Variants in QRFPR observed in about 807,000 individuals in gnomAD.
QRFPR encodes pyroglutamylated RF-amide peptide receptor.
Under a neutral mutation model 31.3 loss-of-function variants are expected in QRFPR, and 37 were observed. The ratio of observed to expected loss-of-function variants is 1.18; its 90% CI spans 0.91 to 1.56. The LOEUF is 1.56. Ranked by LOEUF, QRFPR falls within the 40% of genes most tolerant of loss-of-function variation. The pLI is 0.00. For missense variants in QRFPR, 542 were observed against 532.5 expected (o/e 1.02, Z -0.18); for synonymous variants, 197 against 192.0 (o/e 1.03, Z -0.22).
intron 1 of QRFPR, among the ~76,000 whole-genome samples, chr4:121,365,338 C>G (rs549510946): frequency 4.2e-5 from 6 of 141,866 alleles, no homozygotes; most frequent in Non-Finnish European, 7.6e-5. Context: ...CCTGTAGTCC[C>G]AGCTACTCGG....
chr4:121,351,209 C>G (rs922655177), intron 1 of QRFPR, among the ~76,000 whole-genome samples: 1 of 152,098 alleles, frequency 6.6e-6, no homozygotes, highest in African/African-American at 2.4e-5. Flanking sequence ...AGGAGCTGTC[C>G]CCTGGAAAAC....
chr4:121,363,668 A>C (rs1395014939), intron 1 of QRFPR, among the ~76,000 whole-genome samples: 2 of 150,218 alleles, frequency 1.3e-5, no homozygotes, highest in African/African-American at 4.9e-5. Context: ...AGTAAGAGTG[A>C]GGGGCCACAG....
rs117513951 is a variant in QRFPR at position 121,379,188 on chromosome 4, T to A, written c.340+1120A>T. On this transcript the variant is annotated intron_variant, in intron 1 of 5. Transcript: ENST00000394427. Reference sequence around the variant, plus strand: ...TAATGCTTTTTTGAAAATATTTACATTATAGATTGATAAGAATCAAGGACT... The same window carrying A: ...TAATGCTTTTTTGAAAATATTTACAATATAGATTGATAAGAATCAAGGACT... 1.2e-4 allele frequency among the ~76,000 whole-genome samples: 19 copies of A among 152,314 alleles called. No homozygotes were observed. In the East Asian group the frequency reaches 3.7e-3, roughly 29 times the overall value.
chr4:121,332,543 G>C (rs1725346285), intron 4 of QRFPR, among the ~76,000 whole-genome samples: 1 of 152,140 alleles, frequency 6.6e-6, no homozygotes, highest in Non-Finnish European at 1.5e-5. Flanking sequence ...TCTGACACCA[G>C]CCCACAGTCT....
rs1726102953 is a variant in QRFPR at position 121,365,584 on chromosome 4, TATATATTATATATATATAATA to T, written c.340+14703_340+14723del. Among the ~76,000 whole-genome samples, 17 of 3,062 alleles carry T rather than the reference TATATATTATATATATATAATA, an allele frequency of 5.6e-3. 3 individuals are homozygous for T. The highest frequency in any genetic ancestry group is 1.5e-3 in the Non-Finnish European group (2 of 1,336). The allele number at this position is 3,062 out of a possible 152,430, so 2.0% of individuals were successfully genotyped here. A position where few individuals can be genotyped will look rare whatever the true frequency, so the allele number is the denominator to read the frequency against. On this transcript the variant is annotated intron_variant, in intron 1 of 5. Transcript: ENST00000394427. ...TATATATTATATATAATATATATTA[TATATATTATATATATATAATA>T]TATATATTATATATATTATATATTA...
chr4:121,331,393 A>C (rs1227114117), intron 4 of QRFPR, among the ~76,000 whole-genome samples: 2 of 151,076 alleles, frequency 1.3e-5, no homozygotes, highest in Non-Finnish European at 2.9e-5. Flanking sequence ...TTTGTTGCCC[A>C]GGCTGGTTTC....
chr4:121,337,661 T>C (rs929470581), intron 2 of QRFPR, among the ~76,000 whole-genome samples: 3 of 150,544 alleles, frequency 2.0e-5, no homozygotes, highest in Non-Finnish European at 3.0e-5. Context: ...GGGCATCACA[T>C]GTATACATAT....
intron 1 of QRFPR, among the ~76,000 whole-genome samples, chr4:121,357,111 C>T (rs1725885519): frequency 6.6e-6 from 1 of 152,058 alleles, no homozygotes; most frequent in Admixed American, 6.6e-5. Flanking sequence ...TAAAACAACA[C>T]TAATCTATAT....
At chr4:121,354,025 T>C (rs899076894) in intron 1 of QRFPR, among the ~76,000 whole-genome samples, 17 of 152,092 alleles carry the variant, frequency 1.1e-4, no homozygotes, top group African/African-American at 3.4e-4. Flanking sequence ...TGCAAATGCA[T>C]GAATTTATTC....
At chr4:121,361,093 T>G (rs71602329) in intron 1 of QRFPR, among the ~76,000 whole-genome samples, 39,857 of 149,880 alleles carry the variant, frequency 0.27, 7,019 homozygotes, top group Non-Finnish European at 0.35. Flanking sequence ...TCTCACAGAT[T>G]TAACTCTGAA....
chr4:121,330,839 G>T (rs866903555), intron 4 of QRFPR, among the ~76,000 whole-genome samples: 1 of 152,152 alleles, frequency 6.6e-6, no homozygotes, highest in Non-Finnish European at 1.5e-5. Flanking sequence ...ATTAATTTGC[G>T]AAGTTAGATG....
At chr4:121,352,621 A>G (rs1725784478) in intron 1 of QRFPR, among the ~76,000 whole-genome samples, 1 of 152,064 alleles carries the variant, frequency 6.6e-6, no homozygotes, top group Non-Finnish European at 1.5e-5. Flanking sequence ...CATATTTACC[A>G]GGTACATGTG....
intron 1 of QRFPR, among the ~76,000 whole-genome samples, chr4:121,348,703 C>T (rs1487663172): frequency 6.6e-6 from 1 of 152,172 alleles, no homozygotes; most frequent in African/African-American, 2.4e-5. Flanking sequence ...TCAACATCAT[C>T]TGCCTTTAGA....
chr4:121,341,065 TC>T (rs1455619225), intron 1 of QRFPR, among the ~76,000 whole-genome samples: 13 of 152,190 alleles, frequency 8.5e-5, no homozygotes, highest in Admixed American at 4.6e-4. Flanking sequence ...CTCCTTTGAC[TC>T]CCTGCCTAAG....
intron 1 of QRFPR, among the ~76,000 whole-genome samples, chr4:121,379,193 G>T (rs1366884870): frequency 6.6e-6 from 1 of 152,126 alleles, no homozygotes; most frequent in Non-Finnish European, 1.5e-5. Context: ...TTACATTATA[G>T]ATTGATAAGA....
chr4:121,351,542 C>G (rs1725760914), intron 1 of QRFPR, among the ~76,000 whole-genome samples: 1 of 151,966 alleles, frequency 6.6e-6, no homozygotes, highest in South Asian at 2.1e-4. Context: ...TAAAATGAGC[C>G]TGGGTTAAAC....
intron 1 of QRFPR, among the ~76,000 whole-genome samples, chr4:121,341,793 C>T (rs1261458900): frequency 6.6e-6 from 1 of 152,188 alleles, no homozygotes; most frequent in Non-Finnish European, 1.5e-5. Flanking sequence ...CACCTCTGGT[C>T]TCAAGCATTT....
intron 1 of QRFPR, among the ~76,000 whole-genome samples, chr4:121,374,796 A>C (rs565322478): frequency 6.6e-6 from 1 of 152,350 alleles, no homozygotes; most frequent in South Asian, 2.1e-4. Flanking sequence ...AAGATAGTAA[A>C]AGTGCATGAA....
intron 1 of QRFPR, among the ~76,000 whole-genome samples, chr4:121,375,465 A>G (rs908907093): frequency 6.6e-5 from 10 of 152,230 alleles, no homozygotes; most frequent in Non-Finnish European, 2.9e-5. Flanking sequence ...CACACAGGAA[A>G]TACCCAAGAA....
Sources: gnomAD v4.1 joint callset for allele counts (sites outside exome capture counted in the v4.1 genomes callset) on GRCh38, gnomAD v4.1.1 for gene constraint, MANE v1.5 for transcripts, NCBI Gene and HGNC (gene_info 2026-07-23, HGNC 2026-07-21) for gene names.